Variants in SOX6 observed in about 807,000 individuals in gnomAD.
SOX6 encodes the protein transcription factor SOX-6.
SOX6 carries 11 observed loss-of-function variants against 97.8 expected under a neutral mutation model. That is an observed-to-expected ratio of 0.11 (90% CI 0.07 to 0.19). SOX6 has a LOEUF of 0.19. SOX6 is among the 10% of genes least tolerant of loss of function. SOX6 has a pLI of 1.00. For synonymous variants in SOX6, 360 were observed against 371.4 expected (o/e 0.97, Z 0.35); for missense variants, 810 against 1,039.5 (o/e 0.78, Z 3.04).
At chr11:16,491,501 T>TGTGTGTGTGTGTGTGTGGTGTGC (rs1860510324) in intron 4 of SOX6, among the ~76,000 whole-genome samples, 1 of 148,698 alleles carries the variant, frequency 6.7e-6, no homozygotes, top group African/African-American at 2.5e-5. Context: ...CAACAGTCTA[T>TGTGTGTGTGTGTGTGTGGTGTGC]GTGTGTGTGT....
chr11:16,285,376 G>A (rs939435636), intron 3 of SOX6, among the ~76,000 whole-genome samples: 1 of 151,886 alleles, frequency 6.6e-6, no homozygotes, highest in African/African-American at 2.4e-5. Context: ...CTACCAAAAA[G>A]ACAAAAAATT....
chr11:16,635,384 T>C (rs1284776587), intron 3 of SOX6, among the ~76,000 whole-genome samples: 1 of 152,164 alleles, frequency 6.6e-6, no homozygotes, highest in East Asian at 1.9e-4. Flanking sequence ...AGGTAACTCT[T>C]GCTGTGCAAA....
intron 2 of SOX6, among the ~76,000 whole-genome samples, chr11:16,321,998 A>G (rs759066242): frequency 5.3e-5 from 8 of 152,184 alleles, no homozygotes; most frequent in Non-Finnish European, 1.0e-4. Context: ...ATATGAAGTC[A>G]ATAATGCCAA....
intron 1 of SOX6, among the ~76,000 whole-genome samples, chr11:16,475,876 C>T (rs1015787730): frequency 9.2e-5 from 14 of 152,146 alleles, no homozygotes; most frequent in Non-Finnish European, 1.9e-4. Flanking sequence ...CATGTGCTGA[C>T]AGCTCTTTGA....
At chr11:16,659,677 A>G (rs1226713537) in intron 3 of SOX6, among the ~76,000 whole-genome samples, 1 of 152,002 alleles carries the variant, frequency 6.6e-6, no homozygotes, top group Non-Finnish European at 1.5e-5. Context: ...TTTTGCTTCT[A>G]TTTTCTGGAA....
At chr11:16,223,097 T>G (rs1852590753) in intron 4 of SOX6, among the ~76,000 whole-genome samples, 1 of 152,112 alleles carries the variant, frequency 6.6e-6, no homozygotes, top group Admixed American at 6.6e-5. Flanking sequence ...ATATATAATT[T>G]ACTACACAAA....
At position 16,605,787 on chromosome 11, in the gene SOX6, C is replaced by T. The variant is rs2133979925; in HGVS notation, n.609+6294G>A. The T allele has an allele frequency of 6.6e-6, 1 of 152,340 alleles. No homozygotes were observed. Among genetic ancestry groups the T allele is most frequent in the Non-Finnish European group, 1.5e-5 (1 of 68,084 alleles). 9.4% of individuals were successfully genotyped at this position (152,340 alleles called of 1,614,324 possible). Reference sequence around the variant, plus strand: ...AAGCTCAGCGGGTCCTCCCGACCTCCCGCACCCAGAGCCTGGGTGACACTG... The same window carrying T: ...AAGCTCAGCGGGTCCTCCCGACCTCTCGCACCCAGAGCCTGGGTGACACTG... On this transcript the variant is annotated intron_variant and non_coding_transcript_variant, in intron 4 of 5. Transcript: ENST00000524520. This position sits in a 1 kb window ranked among gnomAD's most constrained non-coding sequence, Gnocchi z 5.3.
chr11:15,986,897 A>G (rs895925092), intron 14 of SOX6, among the ~76,000 whole-genome samples: 8 of 152,196 alleles, frequency 5.3e-5, no homozygotes, highest in East Asian at 1.9e-4. Flanking sequence ...CATTCCATAT[A>G]TAAAAAACTA....
At chr11:16,669,794 A>G (rs931706523) in intron 3 of SOX6, among the ~76,000 whole-genome samples, 1 of 152,152 alleles carries the variant, frequency 6.6e-6, no homozygotes, top group Non-Finnish European at 1.5e-5. Flanking sequence ...CTTACTTGAC[A>G]GAGCCACACA....
intron 3 of SOX6, among the ~76,000 whole-genome samples, chr11:16,617,283 T>G (rs987060215): frequency 6.6e-6 from 1 of 150,478 alleles, no homozygotes; most frequent in Admixed American, 6.6e-5. Context: ...CATTCATGTT[T>G]GTTTAAGATA....
At chr11:16,575,560 A>T (rs1288093320) in intron 4 of SOX6, among the ~76,000 whole-genome samples, 1 of 152,244 alleles carries the variant, frequency 6.6e-6, no homozygotes, top group African/African-American at 2.4e-5. Flanking sequence ...AATCAAATCA[A>T]TGAAGTAGGT....
intron 4 of SOX6, among the ~76,000 whole-genome samples, chr11:16,515,836 T>C (rs1467920284): frequency 6.3e-5 from 7 of 111,246 alleles, no homozygotes; most frequent in African/African-American, 1.9e-4. Flanking sequence ...TTTCTCAGGT[T>C]TGTCAAAGAT....
chr11:16,276,670 C>A (rs1854410925), intron 3 of SOX6, among the ~76,000 whole-genome samples: 3 of 152,308 alleles, frequency 2.0e-5, no homozygotes, highest in African/African-American at 2.4e-5. Context: ...TGCAGGAATG[C>A]AATCAAGTCC....
intron 3 of SOX6, among the ~76,000 whole-genome samples, chr11:16,625,301 C>G (rs1848608470): frequency 2.1e-5 from 3 of 141,864 alleles, no homozygotes; most frequent in African/African-American, 7.5e-5. Context: ...CATTAAAGTC[C>G]CTAGCCATCT....
chr11:16,320,559 G>C (rs1358464010), intron 2 of SOX6, among the ~76,000 whole-genome samples: 1 of 152,088 alleles, frequency 6.6e-6, no homozygotes, highest in East Asian at 1.9e-4. Context: ...TCATAATACT[G>C]AGGTGGTGTT....
chr11:16,724,732 T>C (rs1848293511), intron 2 of SOX6, among the ~76,000 whole-genome samples: 1 of 152,240 alleles, frequency 6.6e-6, no homozygotes, highest in South Asian at 2.1e-4. Flanking sequence ...AGTGCATGTG[T>C]GTGTATATAT....
Position 16,023,515 on chromosome 11 carries a change from G to A in SOX6, c.1624-8465C>T, listed in dbSNP as rs1281845726. Among the ~76,000 whole-genome samples, 8 of 152,258 alleles carry A rather than the reference G, an allele frequency of 5.3e-5. No individual in the cohort carries two copies. The East Asian group carries it at 1.5e-3, about 29-fold the overall frequency. On this transcript the variant is annotated intron_variant, in intron 12 of 15. Coordinates refer to ENST00000683767, the MANE Select transcript of SOX6 (RefSeq NM_001367873.1). ...GACAGATAAATACAAAGGAAGGTGT[G>A]TAAGTCAATTAAACAGTAGAGTGAT...
chr11:16,154,719 A>T (rs956987691), intron 6 of SOX6, among the ~76,000 whole-genome samples: 1 of 152,172 alleles, frequency 6.6e-6, no homozygotes, highest in Admixed American at 6.6e-5. Flanking sequence ...TGTAATATAC[A>T]CATCAAAGTT....
intron 3 of SOX6, among the ~76,000 whole-genome samples, chr11:16,713,403 T>C (rs1047739459): frequency 1.3e-5 from 2 of 152,110 alleles, no homozygotes; most frequent in African/African-American, 4.8e-5. Flanking sequence ...TACTTCACAA[T>C]ATAAACAACA....
Sources: gnomAD v4.1 joint callset for allele counts (sites outside exome capture counted in the v4.1 genomes callset) on GRCh38, gnomAD v4.1.1 for gene constraint, Gnocchi (gnomAD v3.1) non-coding constraint, MANE v1.5 for transcripts, NCBI Gene and HGNC (gene_info 2026-07-23, HGNC 2026-07-21) for gene names.